The following TSNARE1 variants were observed in gnomAD, a reference collection of about 807,000 sequenced individuals.
TSNARE1 encodes t-SNARE domain-containing protein 1.
Under a neutral mutation model 62.0 loss-of-function variants are expected in TSNARE1, and 49 were observed. The observed-to-expected ratio is 0.79, with a 90% CI of 0.63 to 1.00. TSNARE1 has a LOEUF of 1.00. TSNARE1 is among the 50% of genes least tolerant of loss of function. TSNARE1 has a pLI of 0.00. For missense variants in TSNARE1, 755 were observed against 700.1 expected, an observed-to-expected ratio of 1.08 and a Z score of -0.88; for synonymous variants, 328 against 294.4, an observed-to-expected ratio of 1.11 and a Z score of -1.17.
intron 9 of TSNARE1, among the ~76,000 whole-genome samples, chr8:142,309,393 T>G (rs1827226210): frequency 1.3e-5 from 2 of 152,050 alleles, no homozygotes; most frequent in African/African-American, 4.8e-5. Flanking sequence ...AACTGTAGGG[T>G]TTTTGAAGAT....
chr8:142,256,323 C>G (rs1180096591), intron 12 of TSNARE1, among the ~76,000 whole-genome samples: 2 of 145,712 alleles, frequency 1.4e-5, no homozygotes, highest in Non-Finnish European at 3.0e-5. Context: ...TCACCACCAT[C>G]ACCATCTTTG....
chr8:142,312,492 A>G (rs1827756468), intron 9 of TSNARE1, among the ~76,000 whole-genome samples: 1 of 152,120 alleles, frequency 6.6e-6, no homozygotes. Flanking sequence ...GGGCTGGTCT[A>G]CTTCTGGTTT....
intron 13 of TSNARE1, among the ~76,000 whole-genome samples, chr8:142,215,717 C>T (rs1451222869): frequency 6.6e-6 from 1 of 152,196 alleles, no homozygotes; most frequent in African/African-American, 2.4e-5. Context: ...CCCTGCCCCA[C>T]CCAGTACACA....
At chr8:142,234,037 C>A (rs1817262605) in intron 12 of TSNARE1, among the ~76,000 whole-genome samples, 1 of 152,216 alleles carries the variant, frequency 6.6e-6, no homozygotes, top group Admixed American at 6.5e-5. Flanking sequence ...TCAGTGGAAA[C>A]ATGGTAACCA....
intron 1 of TSNARE1, among the ~76,000 whole-genome samples, chr8:142,394,972 G>T (rs1328132460): frequency 6.6e-6 from 1 of 152,130 alleles, no homozygotes; most frequent in Non-Finnish European, 1.5e-5. Flanking sequence ...TCTCCCTTCC[G>T]TAAGATAGGG....
chr8:142,291,693 A>T lies in TSNARE1; in HGVS notation c.1291-7208T>A, dbSNP rs1234123811. 3.9e-5 allele frequency among the ~76,000 whole-genome samples: 6 copies of T among 152,174 alleles called. No individual in the cohort carries two copies. Among genetic ancestry groups the T allele is most frequent in the Non-Finnish European group, 1.5e-5 (1 of 68,032 alleles). On this transcript the variant is annotated intron_variant, in intron 10 of 13. Transcript: ENST00000524325. This position sits in a 1 kb window ranked among gnomAD's most constrained non-coding sequence, Gnocchi z 4.8. ...CTCGAGTGGCGAGAGATGAATCCTA[A>T]CGAGAACCCAACAGTGTGTGGGGGG...
intron 1 of TSNARE1, among the ~76,000 whole-genome samples, chr8:142,361,581 G>T (rs1437160532): frequency 6.6e-6 from 1 of 152,208 alleles, no homozygotes; most frequent in African/African-American, 2.4e-5. Context: ...CAGTGTGGCT[G>T]AGCTCACGCA....
intron 1 of TSNARE1, among the ~76,000 whole-genome samples, chr8:142,377,336 G>A (rs534069240): frequency 2.0e-5 from 3 of 151,116 alleles, no homozygotes; most frequent in Admixed American, 6.6e-5. Flanking sequence ...CACGAACACA[G>A]ACTTGGCAGC....
intron 4 of TSNARE1, among the ~76,000 whole-genome samples, chr8:142,341,841 T>G (rs1197562506): frequency 2.0e-5 from 3 of 151,986 alleles, no homozygotes; most frequent in Admixed American, 1.3e-4. Flanking sequence ...ACCGGCTCAC[T>G]CAGCACCCCC....
At chr8:142,340,409 C>T (rs1197650138) in intron 4 of TSNARE1, among the ~76,000 whole-genome samples, 1 of 152,116 alleles carries the variant, frequency 6.6e-6, no homozygotes, top group Non-Finnish European at 1.5e-5. Flanking sequence ...GCAGGCAGAC[C>T]GCAGACTAGA....
intron 1 of TSNARE1, among the ~76,000 whole-genome samples, chr8:142,365,614 A>ACACGCG (rs1328173574): frequency 2.0e-5 from 3 of 148,844 alleles, no homozygotes; most frequent in African/African-American, 5.1e-5. Context: ...ACACACACAC[A>ACACGCG]CACACACACA....
chr8:142,401,888 G>A (rs1393969417), intron 1 of TSNARE1, among the ~76,000 whole-genome samples: 1 of 152,134 alleles, frequency 6.6e-6, no homozygotes, highest in African/African-American at 2.4e-5. Flanking sequence ...GGTTCAGTCG[G>A]GGGAAGCACT....
intron 12 of TSNARE1, among the ~76,000 whole-genome samples, chr8:142,246,252 A>G (rs1430048377): frequency 2.0e-5 from 3 of 150,354 alleles, no homozygotes; most frequent in Non-Finnish European, 4.4e-5. Context: ...GGGCTGGGGG[A>G]CCCCCAGGAG....
At chr8:142,400,935 G>T (rs902962846) in intron 1 of TSNARE1, among the ~76,000 whole-genome samples, 30 of 152,186 alleles carry the variant, frequency 2.0e-4, no homozygotes, top group African/African-American at 6.8e-4. Flanking sequence ...TGGTCACCTG[G>T]CACCAGGAGG....
intron 1 of TSNARE1, among the ~76,000 whole-genome samples, chr8:142,380,190 AG>A (rs1346839859): frequency 1.3e-5 from 2 of 152,238 alleles, no homozygotes; most frequent in Admixed American, 1.3e-4. Context: ...ACAACTCCAC[AG>A]GACAGAAACG....
In TSNARE1 at chr8:142,229,519, T is replaced by G. The variant is rs2130071092; in HGVS notation, c.1507A>C (p.Ile503Leu). 1 of 1,614,062 alleles carries G rather than the reference T, an allele frequency of 6.2e-7. No homozygotes were observed. The highest frequency in any genetic ancestry group is 8.5e-7 in the Non-Finnish European group (1 of 1,179,984). The stretch of plus-strand genomic sequence containing the variant: ...ACAGAGGTGGCGATGATGATGATGA[T>G]GACAAGCAGGGCAGTGACTCCAGCT... Reference protein sequence around the residue: ...LSAGVTALLVIIIIIATSVRK With the variant: ...LSAGVTALLVLIIIIATSVRK Residue 503 changes from isoleucine (I) to leucine (L), a missense_variant, in exon 13 of 14, where the codon ATC (isoleucine) becomes CTC (leucine). Coordinates refer to ENST00000524325, the MANE Select transcript of TSNARE1 (RefSeq NM_145003.5).
intron 1 of TSNARE1, among the ~76,000 whole-genome samples, chr8:142,395,498 G>A (rs1349915175): frequency 6.6e-6 from 1 of 152,200 alleles, no homozygotes; most frequent in Non-Finnish European, 1.5e-5. Context: ...GGTTTCCCAG[G>A]GGCTGGAAAG....
chr8:142,344,265 C>G lies in TSNARE1; in HGVS notation c.446G>C (p.Gly149Ala). 6.2e-7 allele frequency: 1 copy of G among 1,607,290 alleles called. No homozygotes were observed. Among genetic ancestry groups the G allele is most frequent in the East Asian group, 2.2e-5 (1 of 44,688 alleles). Residue 149 changes from glycine to alanine, a missense_variant, in exon 4 of 14, where the codon GGC (glycine) becomes GCC (alanine). Physicochemically the swap from Gly to Ala is moderately conservative, Grantham distance 60 (BLOSUM62 0). Transcript: ENST00000524325. Reference protein sequence around the residue: ...KVSKHHQLLFGTGLLKAEPTR... With the variant: ...KVSKHHQLLFATGLLKAEPTR... The stretch of plus-strand genomic sequence containing the variant: ...GGGCTCGGCCTTCAGCAGCCCCGTG[C>G]CAAACAGCAGCTGGTGGTGCTTGCT...
intron 10 of TSNARE1, among the ~76,000 whole-genome samples, chr8:142,290,897 T>A (rs1823632218): frequency 6.6e-6 from 1 of 152,164 alleles, no homozygotes; most frequent in South Asian, 2.1e-4. Flanking sequence ...ACTCAGGAGC[T>A]CCAGCAGGTG....
Sources: gnomAD v4.1 joint callset for allele counts (sites outside exome capture counted in the v4.1 genomes callset) on GRCh38, gnomAD v4.1.1 for gene constraint, Gnocchi (gnomAD v3.1) non-coding constraint, MANE v1.5 for transcripts, NCBI Gene and HGNC (gene_info 2026-07-23, HGNC 2026-07-21) for gene names.